Variants in ZFX observed in about 807,000 individuals in gnomAD.
The protein encoded by ZFX is zinc finger protein X-linked, also known as zinc finger X-chromosomal protein.
For synonymous variants in ZFX, 196 were observed against 226.8 expected, an observed-to-expected ratio of 0.86 and a Z score of 1.22; for missense variants, 362 against 628.3, an observed-to-expected ratio of 0.58 and a Z score of 4.53.
intron 5 of ZFX, among the ~76,000 whole-genome samples, chrX:24,181,197 G>A (rs1489833712): frequency 8.9e-6 from 1 of 112,556 alleles, no homozygotes; most frequent in African/African-American, 3.2e-5. Flanking sequence ...TTGAGATTTT[G>A]AAAATCAAAG....
Position 24,179,198 on chromosome X carries a change from A to C in ZFX, c.74A>C (p.His25Pro), listed in dbSNP as rs771765990. Residue 25 changes from histidine (H) to proline (P), a missense_variant, in exon 5 of 10, where the codon CAC (histidine) becomes CCC (proline). Transcript: ENST00000304543. Reference sequence around the variant, plus strand: ...TTTTTTTAAGGAGCTGATGGTACACACATGGATGGTGATCAAATTGTTGTG... The same window carrying C: ...TTTTTTTAAGGAGCTGATGGTACACCCATGGATGGTGATCAAATTGTTGTG... ...FFDATGADGT[H>P]MDGDQIVVEV... is the part of the protein sequence containing the mutation. 8.3e-7 allele frequency: 1 copy of C among 1,210,864 alleles called. No individual in the cohort carries two copies. The highest frequency in any genetic ancestry group is 1.7e-5 in the African/African-American group (1 of 57,825).
At chrX:24,205,866 TAAAATA>T (rs1423130358) in intron 5 of ZFX, among the ~76,000 whole-genome samples, 1 of 111,015 alleles carries the variant, frequency 9.0e-6, no homozygotes, top group Non-Finnish European at 1.9e-5. Flanking sequence ...AAAAATAAAA[TAAAATA>T]TAAAAATAAA....
rs184981390 is a variant in ZFX at position 24,183,956 on chromosome X, C to T, written c.646+4186C>T. On this transcript the variant is annotated intron_variant, in intron 5 of 9. Coordinates refer to ENST00000304543, the MANE Select transcript of ZFX (RefSeq NM_003410.4). ...ATTTTTAGTAGAGACGGGGTTTTGCCATGTTGGCCAGGCTGATCTCGATCG... is the reference window on the plus strand; with the variant it reads ...ATTTTTAGTAGAGACGGGGTTTTGCTATGTTGGCCAGGCTGATCTCGATCG... 2.7e-5 allele frequency among the ~76,000 whole-genome samples: 3 copies of T among 110,081 alleles called. No individual in the cohort carries two copies. In the East Asian group the frequency reaches 8.6e-4, roughly 32 times the overall value.
intron 3 of ZFX, among the ~76,000 whole-genome samples, chrX:24,154,834 G>A (rs940152642): frequency 9.0e-6 from 1 of 111,482 alleles, no homozygotes; most frequent in Non-Finnish European, 1.9e-5. Context: ...TGTCTTTTGC[G>A]GAAACATGGA....
At chrX:24,161,412 G>A (rs1380754770) in intron 3 of ZFX, among the ~76,000 whole-genome samples, 1 of 111,673 alleles carries the variant, frequency 9.0e-6, no homozygotes, top group Non-Finnish European at 1.9e-5. Flanking sequence ...AAATTTACAT[G>A]GAAAGGCACA....
rs780072936 is a variant in ZFX at position 24,207,786 on chromosome X, A to G, written c.871A>G (p.Ile291Val). The change falls in exon 7 of 10, where the codon ATT becomes GTT. Residue 291 changes from isoleucine (I) to valine (V), a missense_variant. Transcript: ENST00000304543. ...GVELLDQNSS[I>V]RVPREKMVYM... ...TGAACTGCTTGATCAGAACAGCAGT[A>G]TTCGTGTTCCCAGGGAAAAGATGGT... The G allele has an allele frequency of 3.3e-6, 4 of 1,211,190 alleles. No homozygotes were observed. Among genetic ancestry groups the G allele is most frequent in the Non-Finnish European group, 4.5e-6 (4 of 895,107 alleles).
chrX:24,208,997 A>C lies in ZFX; in HGVS notation c.1191A>C (p.Lys397Asn). The change falls in exon 9 of 10, where the codon AAA (lysine) becomes AAC (asparagine). Residue 397 changes from lysine (K) to asparagine (N), a missense_variant. Lys to Asn is a moderately conservative substitution (Grantham distance 94). Transcript: ENST00000304543. ...SAGLGRLAKQ[K>N]PKKRRRPDSR... The stretch of plus-strand genomic sequence containing the variant: ...GCCTCGGCAGACTGGCTAAACAAAA[A>C]CCAAAGAAAAGGAGAAGACCTGATT... The C allele has an allele frequency of 8.3e-7, 1 of 1,211,681 alleles. No individual in the cohort carries two copies.
chrX:24,183,100 G>T (rs1397273333), intron 5 of ZFX, among the ~76,000 whole-genome samples: 3 of 112,258 alleles, frequency 2.7e-5, no homozygotes, highest in African/African-American at 9.7e-5. Context: ...TAGTCTTTAG[G>T]GGATGGGCCA....
chrX:24,171,113 T>C (rs1334541024), intron 3 of ZFX, among the ~76,000 whole-genome samples: 1 of 111,908 alleles, frequency 8.9e-6, no homozygotes, highest in Non-Finnish European at 1.9e-5. Flanking sequence ...ATTTAGTATC[T>C]GTAAGTAAGA....
At chrX:24,201,596 T>G (rs1016221346) in intron 5 of ZFX, among the ~76,000 whole-genome samples, 1 of 112,484 alleles carries the variant, frequency 8.9e-6, no homozygotes, top group Admixed American at 9.4e-5. Flanking sequence ...AGTTGAGTTA[T>G]CCAAAGATGT....
chrX:24,153,830 A>C (rs1932500455), intron 3 of ZFX, among the ~76,000 whole-genome samples: 1 of 111,388 alleles, frequency 9.0e-6, no homozygotes, highest in African/African-American at 3.3e-5. Context: ...CAAAGCAATA[A>C]TTTCGGTTAC....
intron 4 of ZFX, among the ~76,000 whole-genome samples, chrX:24,174,430 T>C (rs1489922493): frequency 2.9e-5 from 3 of 104,295 alleles, no homozygotes. Flanking sequence ...AGTCTTACTC[T>C]GTCACCAGGC....
At position 24,212,960 on chromosome X, in the gene ZFX, A is replaced by ATCACTGCAACCTCTGCAGC. The variant is rs779173301; in HGVS notation, c.*1601_*1619dup. 2 of 109,550 alleles carry ATCACTGCAACCTCTGCAGC rather than the reference A, an allele frequency of 1.8e-5. No homozygotes were observed. Among genetic ancestry groups the ATCACTGCAACCTCTGCAGC allele is most frequent in the African/African-American group, 6.7e-5 (2 of 30,054 alleles). The allele number at this position is 109,550 out of a possible 1,213,427, so 9.0% of individuals were successfully genotyped here. On this transcript the variant is annotated 3_prime_UTR_variant, in exon 10 of 10. Coordinates refer to ENST00000304543, the MANE Select transcript of ZFX (RefSeq NM_003410.4). Reference sequence around the variant, plus strand: ...GCCCAGGCTGGACTGCAGTGGTGTGATCACTGCAACCTCTGCAGCTCACTG... The same window carrying ATCACTGCAACCTCTGCAGC: ...GCCCAGGCTGGACTGCAGTGGTGTGATCACTGCAACCTCTGCAGCTCACTGCAACCTCTGCAGCTCACTG...
intron 5 of ZFX, among the ~76,000 whole-genome samples, chrX:24,188,276 G>C (rs1936290562): frequency 9.1e-6 from 1 of 110,444 alleles, no homozygotes; most frequent in African/African-American, 3.3e-5. Flanking sequence ...TGAAGATATT[G>C]ACCAAGTTTA....
intron 3 of ZFX, among the ~76,000 whole-genome samples, chrX:24,170,003 AGTT>A (rs1371687960): frequency 9.0e-6 from 1 of 111,046 alleles, no homozygotes; most frequent in Non-Finnish European, 1.9e-5. Context: ...TGCCAAGAAA[AGTT>A]GTTCTGCAAG....
chrX:24,162,840 T>C (rs764046493), intron 3 of ZFX, among the ~76,000 whole-genome samples: 1 of 111,293 alleles, frequency 9.0e-6, no homozygotes, highest in South Asian at 3.8e-4. Context: ...CTACTGGTAA[T>C]CACTCTCCTC....
chrX:24,162,344 C>T (rs1427098407), intron 3 of ZFX, among the ~76,000 whole-genome samples: 1 of 112,198 alleles, frequency 8.9e-6, no homozygotes, highest in Non-Finnish European at 1.9e-5. Context: ...TAATTTTGTA[C>T]CAGCACACCT....
upstream of ZFX, chrX:24,149,040 C>G (rs1327433337): frequency 9.0e-6 from 1 of 111,161 alleles, no homozygotes; most frequent in Non-Finnish European, 1.9e-5. Flanking sequence ...CACTCCACCC[C>G]CCTTCCCGCA....
At chrX:24,175,180 C>T (rs990279297) in intron 4 of ZFX, among the ~76,000 whole-genome samples, 2 of 112,414 alleles carry the variant, frequency 1.8e-5, no homozygotes, top group African/African-American at 6.5e-5. Flanking sequence ...AGAGACTAAA[C>T]TCTTTGGAGA....
Sources: gnomAD v4.1 joint callset for allele counts (sites outside exome capture counted in the v4.1 genomes callset) on GRCh38, gnomAD v4.1.1 for gene constraint, MANE v1.5 for transcripts, NCBI Gene and HGNC (gene_info 2026-07-23, HGNC 2026-07-21) for gene names.